The following RTL4 variants were observed in gnomAD, a reference collection of about 807,000 sequenced individuals.
The protein encoded by RTL4 is retrotransposon Gag like 4, also known as retrotransposon Gag-like protein 4.
In RTL4, 4 loss-of-function variants were observed where a neutral mutation model predicts 5.3. That is an observed-to-expected ratio of 0.75 (90% CI 0.37 to 1.72). The LOEUF (loss-of-function observed/expected upper bound fraction) is 1.72. RTL4 is among the 40% of genes most tolerant of loss of function. The probability of loss-of-function intolerance (pLI) is 0.04; values close to 1 mark genes in which losing one functional copy is unlikely to be tolerated. For synonymous variants in RTL4, 98 were observed against 87.3 expected (o/e 1.12, Z -0.68); for missense variants, 260 against 227.1 (o/e 1.14, Z -0.93).
At chrX:112,239,734 G>A in the RTL4 span, among the ~76,000 whole-genome samples, 1 of 111,469 alleles carries the variant, frequency 9.0e-6, no homozygotes, top group African/African-American at 3.3e-5. Context: ...TCTGCAATAG[G>A]ATAGTACGAT....
chrX:112,189,222 C>A, the RTL4 span, among the ~76,000 whole-genome samples: 1 of 110,169 alleles, frequency 9.1e-6, no homozygotes, highest in African/African-American at 3.3e-5. Flanking sequence ...AGCGAGACCC[C>A]AACTCAATTT....
chrX:112,455,316 G>C (rs1205414128), exon 1 of RTL4: 2 of 1,211,636 alleles, frequency 1.7e-6, no homozygotes, highest in Admixed American at 2.2e-5. Flanking sequence ...AGGATGAAGA[G>C]AGTGTCACTG....
At chrX:112,414,075 ATAG>A in the RTL4 span, among the ~76,000 whole-genome samples, 1 of 111,622 alleles carries the variant, frequency 9.0e-6, no homozygotes, top group Non-Finnish European at 1.9e-5. Flanking sequence ...TATTTGGTAC[ATAG>A]TAGGAACTCA....
the RTL4 span, among the ~76,000 whole-genome samples, chrX:112,135,924 T>G: frequency 9.2e-6 from 1 of 108,186 alleles, no homozygotes; most frequent in Non-Finnish European, 1.9e-5. Flanking sequence ...ATACCTTGGC[T>G]CTCTACTGGG....
chrX:112,362,284 C>T, the RTL4 span, among the ~76,000 whole-genome samples: 2 of 111,475 alleles, frequency 1.8e-5, no homozygotes, highest in African/African-American at 6.5e-5. Context: ...GGTGTGTTTC[C>T]CTCCATTATG....
the RTL4 span, among the ~76,000 whole-genome samples, chrX:112,348,925 TG>T: frequency 9.0e-6 from 1 of 110,680 alleles, no homozygotes; most frequent in African/African-American, 3.3e-5. Context: ...CATTTACTAC[TG>T]CCAGACACTT....
the RTL4 span, among the ~76,000 whole-genome samples, chrX:112,153,955 AC>A: frequency 9.1e-6 from 1 of 110,174 alleles, no homozygotes; most frequent in African/African-American, 3.3e-5. Context: ...TTCTTCTGCA[AC>A]CCCCATTATG....
chrX:112,204,087 T>C, the RTL4 span, among the ~76,000 whole-genome samples: 3 of 112,695 alleles, frequency 2.7e-5, no homozygotes, highest in Non-Finnish European at 3.7e-5. Context: ...CTCAACATAA[T>C]TGATCATCAG....
the RTL4 span, among the ~76,000 whole-genome samples, chrX:112,327,899 C>G: frequency 4.6e-5 from 5 of 109,846 alleles, no homozygotes; most frequent in East Asian, 2.8e-4. Flanking sequence ...TCATATCCAG[C>G]CAAACTAAGC....
the RTL4 span, among the ~76,000 whole-genome samples, chrX:112,443,058 C>T: frequency 9.0e-6 from 1 of 111,691 alleles, no homozygotes; most frequent in Non-Finnish European, 1.9e-5. Context: ...TCCTCACCTC[C>T]ACCAACAACA....
chrX:112,401,644 A>T, the RTL4 span, among the ~76,000 whole-genome samples: 1 of 111,286 alleles, frequency 9.0e-6, no homozygotes, highest in Admixed American at 9.5e-5. Flanking sequence ...ACACCCTTTA[A>T]TTCTAAGTAA....
chrX:112,449,757 T>C (rs1022342987), upstream of RTL4, among the ~76,000 whole-genome samples: 2 of 112,247 alleles, frequency 1.8e-5, no homozygotes, highest in Non-Finnish European at 3.8e-5. Context: ...GGATGATTGA[T>C]AGTCAATGTT....
chrX:112,095,952 G>A, the RTL4 span, among the ~76,000 whole-genome samples: 156 of 111,901 alleles, frequency 1.4e-3, no homozygotes, highest in African/African-American at 4.8e-3. Flanking sequence ...AGATGGTGGA[G>A]TGGTAGTGAG....
chrX:112,152,607 T>C, the RTL4 span, among the ~76,000 whole-genome samples: 3 of 111,851 alleles, frequency 2.7e-5, no homozygotes, highest in Non-Finnish European at 3.8e-5. Flanking sequence ...GAAACTATTG[T>C]TCTCTAGATA....
At chrX:112,366,629 C>T in the RTL4 span, among the ~76,000 whole-genome samples, 3 of 112,241 alleles carry the variant, frequency 2.7e-5, no homozygotes, top group East Asian at 8.5e-4. Flanking sequence ...GACACACATT[C>T]CTCATGTGTC....
chrX:112,327,914 T>C, the RTL4 span, among the ~76,000 whole-genome samples: 5 of 109,470 alleles, frequency 4.6e-5, no homozygotes, highest in Middle Eastern at 9.2e-3. Context: ...CTAAGCTTCA[T>C]AATTGAAGGA....
chrX:112,139,570 T>TA, the RTL4 span, among the ~76,000 whole-genome samples: 4 of 112,838 alleles, frequency 3.5e-5, no homozygotes, highest in South Asian at 1.5e-3. Context: ...TGTGGTGTTC[T>TA]AAAAGTTATT....
the RTL4 span, among the ~76,000 whole-genome samples, chrX:112,323,461 A>AATTTT: frequency 6.4e-5 from 7 of 109,964 alleles, no homozygotes; most frequent in Admixed American, 3.9e-4. Flanking sequence ...AGAAGTTTTG[A>AATTTT]ATTTTATTTT....
the RTL4 span, among the ~76,000 whole-genome samples, chrX:112,424,484 G>A: frequency 9.0e-6 from 1 of 111,145 alleles, no homozygotes; most frequent in African/African-American, 3.3e-5. Context: ...TACATCTGAG[G>A]TTGTAGTGAA....
Sources: allele counts gnomAD v4.1 joint callset (sites outside exome capture counted in the v4.1 genomes callset), GRCh38; gene constraint gnomAD v4.1.1; transcripts MANE v1.5; gene names NCBI Gene and HGNC (gene_info 2026-07-23, HGNC 2026-07-21).